ZNF503: variants seen among roughly 807,000 people sequenced by gnomAD.
ZNF503 encodes the protein zinc finger protein 503.
A neutral mutation model predicts 34.4 loss-of-function variants in ZNF503; 15 were observed. The ratio of observed to expected loss-of-function variants is 0.44; its 90% CI spans 0.29 to 0.67. ZNF503 has a LOEUF of 0.67. ZNF503 is among the 30% of genes least tolerant of loss of function. The pLI, the probability that ZNF503 is intolerant of heterozygous loss-of-function variation, is 0.13. For synonymous variants in ZNF503, 580 were observed against 456.8 expected (o/e 1.27, Z -3.44); for missense variants, 1,007 against 926.8 (o/e 1.09, Z -1.12).
At chr10:75,325,702 TG>T in the ZNF503 span, among the ~76,000 whole-genome samples, 2 of 152,210 alleles carry the variant, frequency 1.3e-5, no homozygotes, top group East Asian at 3.8e-4. Context: ...CAGATCAATT[TG>T]GGGGGAATTG....
the ZNF503 span, among the ~76,000 whole-genome samples, chr10:75,294,657 A>AG: frequency 7.7e-6 from 1 of 130,358 alleles, no homozygotes. Context: ...GCCCAAGGGC[A>AG]GGGGCAGGGG....
At chr10:75,375,650 G>A in the ZNF503 span, among the ~76,000 whole-genome samples, 63 of 152,216 alleles carry the variant, frequency 4.1e-4, no homozygotes, top group African/African-American at 1.5e-3. Context: ...TGTAGTAGCT[G>A]AGATTACAGG....
chr10:75,327,081 G>T, the ZNF503 span, among the ~76,000 whole-genome samples: 16 of 152,218 alleles, frequency 1.1e-4, no homozygotes, highest in African/African-American at 3.9e-4. Flanking sequence ...CTTTGTGTTA[G>T]GAACATTCAA....
the ZNF503 span, among the ~76,000 whole-genome samples, chr10:75,307,679 T>G: frequency 6.6e-6 from 1 of 152,242 alleles, no homozygotes; most frequent in Non-Finnish European, 1.5e-5. Context: ...GCTTCAAAGC[T>G]TCAAAGGAAA....
chr10:75,372,262 C>T, the ZNF503 span, among the ~76,000 whole-genome samples: 1 of 152,196 alleles, frequency 6.6e-6, no homozygotes, highest in East Asian at 1.9e-4. Context: ...TTTTTCTTAA[C>T]ACAAAAGCAG....
chr10:75,347,104 G>A, the ZNF503 span, among the ~76,000 whole-genome samples: 1 of 152,174 alleles, frequency 6.6e-6, no homozygotes, highest in African/African-American at 2.4e-5. Flanking sequence ...AATATTAAAT[G>A]AGTTATATAC....
the ZNF503 span, among the ~76,000 whole-genome samples, chr10:75,308,470 T>A: frequency 2.0e-5 from 3 of 152,184 alleles, no homozygotes; most frequent in Non-Finnish European, 2.9e-5. Flanking sequence ...AACTTTCAAG[T>A]CTTAATAGTC....
At chr10:75,330,664 TC>T in the ZNF503 span, among the ~76,000 whole-genome samples, 111 of 152,328 alleles carry the variant, frequency 7.3e-4, no homozygotes, top group Middle Eastern at 3.4e-3. Context: ...TCTCTAATGA[TC>T]CTTTGTATTT....
downstream of ZNF503, among the ~76,000 whole-genome samples, chr10:75,397,366 C>G (rs1843713488): frequency 6.6e-6 from 1 of 152,230 alleles, no homozygotes; most frequent in African/African-American, 2.4e-5. Context: ...CAGCGCCCCT[C>G]CGCCTCCCAG....
At chr10:75,288,407 C>A in the ZNF503 span, 4 of 152,468 alleles carry the variant, frequency 2.6e-5, no homozygotes, top group African/African-American at 9.6e-5. Context: ...AAGGCCTTTA[C>A]CACGCTGTCC....
chr10:75,338,638 T>G, the ZNF503 span, among the ~76,000 whole-genome samples: 1 of 152,162 alleles, frequency 6.6e-6, no homozygotes, highest in Non-Finnish European at 1.5e-5. Context: ...ATCCCTCTCC[T>G]CCTCTCTCCT....
At chr10:75,327,829 G>A in the ZNF503 span, among the ~76,000 whole-genome samples, 1 of 151,918 alleles carries the variant, frequency 6.6e-6, no homozygotes, top group Non-Finnish European at 1.5e-5. Context: ...ATTTTGATTT[G>A]CATTTCTCTG....
chr10:75,400,422 G>T (rs772263378), intron 1 of ZNF503, 48 bp from the exon 2 acceptor site: 2 of 1,549,000 alleles, frequency 1.3e-6, no homozygotes, highest in South Asian at 1.2e-5. Flanking sequence ...AGAAAGAAGT[G>T]GAAACCCTTT....
chr10:75,400,078 A>ACGG lies in ZNF503; in HGVS notation c.611_612insCCG (p.Gly204_Val205insArg). 1 of 1,538,102 alleles carries ACGG rather than the reference A, an allele frequency of 6.5e-7. No individual in the cohort carries two copies. Among genetic ancestry groups the ACGG allele is most frequent in the Non-Finnish European group, 8.7e-7 (1 of 1,145,168 alleles). On this transcript the variant is annotated inframe_insertion, in exon 2 of 2. Coordinates refer to ENST00000372524, the MANE Select transcript of ZNF503 (RefSeq NM_032772.6). Reference sequence around the variant, plus strand: ...GGAATCCCGACTTCTCCGACGAAACACCCCCGCCGCCGCCCCCGCCACCGC... The same window carrying ACGG: ...GGAATCCCGACTTCTCCGACGAAACACGGCCCCCGCCGCCGCCCCCGCCACCGC...
At chr10:75,294,776 CG>C in the ZNF503 span, among the ~76,000 whole-genome samples, 1 of 149,896 alleles carries the variant, frequency 6.7e-6, no homozygotes, top group African/African-American at 2.5e-5. Context: ...AGGGAGACCC[CG>C]GAGAGGAAGA....
Position 75,399,989 on chromosome 10 carries a change from G to T in ZNF503, c.701C>A (p.Ser234Ter). 1 of 1,605,614 alleles carries T rather than the reference G, an allele frequency of 6.2e-7. No homozygotes were observed. The highest frequency in any genetic ancestry group is 8.5e-7 in the Non-Finnish European group (1 of 1,179,238). ...CAGCATACCTCCCGGCGAGCAGGCC[G>T]AGGCGCTGGAGCTCGGGCTGCCTGT... ...PRTGSPSSSASACSPGGMLSS... is the reference protein window; with the variant it reads ...PRTGSPSSSA The change falls in exon 2 of 2, where the codon TCG (serine) becomes TAG (stop). Residue 234 changes from serine (S) to a stop codon, truncating the protein, a stop_gained. Transcript: ENST00000372524. LOFTEE classifies it high-confidence loss of function.
At chr10:75,360,813 A>C in the ZNF503 span, 1 of 152,238 alleles carries the variant, frequency 6.6e-6, no homozygotes, top group Non-Finnish European at 1.5e-5. Flanking sequence ...AATTAGGCTC[A>C]GAATCCATTT....
At chr10:75,389,993 C>T in the ZNF503 span, among the ~76,000 whole-genome samples, 46 of 152,108 alleles carry the variant, frequency 3.0e-4, no homozygotes, top group African/African-American at 1.0e-3. Context: ...CCCGGGTTCG[C>T]GCCATTCTCT....
At chr10:75,336,637 G>A in the ZNF503 span, among the ~76,000 whole-genome samples, 2 of 152,164 alleles carry the variant, frequency 1.3e-5, no homozygotes, top group Admixed American at 6.5e-5. Context: ...ATGTCCAGGT[G>A]GCTTGTCTGA....
Sources: allele counts gnomAD v4.1 joint callset (sites outside exome capture counted in the v4.1 genomes callset), GRCh38; gene constraint gnomAD v4.1.1; transcripts MANE v1.5; gene names NCBI Gene and HGNC (gene_info 2026-07-23, HGNC 2026-07-21).